The following ITGA1 variants were observed in gnomAD, a reference collection of about 807,000 sequenced individuals.
The protein encoded by ITGA1 is integrin subunit alpha 1.
In ITGA1, 85 loss-of-function variants were observed where a neutral mutation model predicts 145.9. The ratio of observed to expected loss-of-function variants is 0.58; its 90% CI spans 0.49 to 0.70. The LOEUF (loss-of-function observed/expected upper bound fraction) is 0.70. ITGA1 is among the 30% of genes least tolerant of loss of function. ITGA1 has a pLI of 0.00. For synonymous variants in ITGA1, 520 were observed against 495.3 expected (o/e 1.05, Z -0.66); for missense variants, 1,351 against 1,418.7 (o/e 0.95, Z 0.77).
At chr5:52,904,843 A>G (rs537498502) in intron 11 of ITGA1, 68 of 141,760 alleles carry the variant, frequency 4.8e-4, no homozygotes, top group African/African-American at 1.6e-3. Flanking sequence ...ACAGAGCAAG[A>G]CTCCATCTCA....
rs865980299 is a variant in ITGA1, at chr5:52,955,020, A to C, written c.*2569A>C. On this transcript the variant is annotated 3_prime_UTR_variant, in exon 29 of 29. Coordinates refer to ENST00000282588, the MANE Select transcript of ITGA1 (RefSeq NM_181501.2). ...AAACTTATTGGCCAAATTGCCAAAAAGTTTCTTTTTCTCTAACTTTGGTAT... is the reference window on the plus strand; with the variant it reads ...AAACTTATTGGCCAAATTGCCAAAACGTTTCTTTTTCTCTAACTTTGGTAT... The C allele has an allele frequency of 6.6e-6, 1 of 152,222 alleles. No individual in the cohort carries two copies. The highest frequency in any genetic ancestry group is 6.5e-5 in the Admixed American group (1 of 15,278). 9.4% of individuals were successfully genotyped at this position (152,222 alleles called of 1,614,324 possible).
chr5:52,862,241 G>GA (rs1483079020), intron 3 of ITGA1, among the ~76,000 whole-genome samples: 3 of 145,212 alleles, frequency 2.1e-5, no homozygotes, highest in Admixed American at 6.8e-5. Context: ...AAAAAGAAAA[G>GA]AAAAAAAACA....
intron 11 of ITGA1, among the ~76,000 whole-genome samples, chr5:52,900,645 G>A (rs2111833857): frequency 6.6e-6 from 1 of 152,274 alleles, no homozygotes; most frequent in East Asian, 1.9e-4. Flanking sequence ...AAGCAGTTAT[G>A]GTACAAGGTG....
At chr5:52,947,638 C>G (rs1307573201) in intron 28 of ITGA1, among the ~76,000 whole-genome samples, 177 bp downstream of exon 28, 1 of 152,092 alleles carries the variant, frequency 6.6e-6, no homozygotes, top group East Asian at 1.9e-4. Context: ...CTGCACACAA[C>G]TTGACCCAAT....
intron 1 of ITGA1, among the ~76,000 whole-genome samples, chr5:52,814,687 A>G (rs1580042613): frequency 6.6e-6 from 1 of 152,216 alleles, no homozygotes; most frequent in Middle Eastern, 3.4e-3. Flanking sequence ...TATCTGCCCA[A>G]CAATCAGAGA....
At chr5:52,832,853 T>C (rs1263457285) in intron 1 of ITGA1, among the ~76,000 whole-genome samples, 1 of 148,258 alleles carries the variant, frequency 6.7e-6, no homozygotes, top group Non-Finnish European at 1.5e-5. Flanking sequence ...TTTTGGTAGA[T>C]TTTTTTTGGT....
At chr5:52,926,674 C>A (rs979123927) in intron 19 of ITGA1, among the ~76,000 whole-genome samples, 3 of 151,524 alleles carry the variant, frequency 2.0e-5, no homozygotes, top group Non-Finnish European at 2.9e-5. Flanking sequence ...AAAATATTAC[C>A]ACAGAATTTT....
intron 26 of ITGA1, among the ~76,000 whole-genome samples, chr5:52,940,974 C>A (rs984278673): frequency 1.3e-5 from 2 of 152,102 alleles, no homozygotes; most frequent in African/African-American, 2.4e-5. Flanking sequence ...CTGTTCCCAT[C>A]TTTATATCCA....
chr5:52,905,906 C>G lies in ITGA1; in HGVS notation c.1453C>G (p.Gln485Glu), dbSNP rs1338928759. ...IKILQTLSGE[Q>E]IGSYFGSILT... ...AATTCTCCAGACGCTCAGTGGAGAA[C>G]AGGTAAACTTGAAAAATATTCTTTT... The change falls in exon 12 of 29, where the codon CAG (glutamine) becomes GAG (glutamate). Residue 485 changes from glutamine to glutamate, a missense_variant and splice_region_variant. Transcript: ENST00000282588. 6.2e-7 allele frequency: 1 copy of G among 1,608,918 alleles called. No homozygotes were observed. The highest frequency in any genetic ancestry group is 8.5e-7 in the Non-Finnish European group (1 of 1,176,986).
At chr5:52,864,517 C>T (rs142423520) in intron 3 of ITGA1, among the ~76,000 whole-genome samples, 2 of 152,270 alleles carry the variant, frequency 1.3e-5, no homozygotes, top group Non-Finnish European at 2.9e-5. Flanking sequence ...TCTCATTGCC[C>T]TGCTAGTTCT....
intron 3 of ITGA1, among the ~76,000 whole-genome samples, chr5:52,863,215 C>G (rs906682899): frequency 5.3e-5 from 8 of 152,228 alleles, no homozygotes; most frequent in African/African-American, 1.9e-4. Flanking sequence ...GTTAAAATCT[C>G]TATTCAGGTT....
intron 6 of ITGA1, among the ~76,000 whole-genome samples, chr5:52,875,215 A>C (rs1179721933): frequency 6.6e-6 from 1 of 152,120 alleles, no homozygotes; most frequent in Non-Finnish European, 1.5e-5. Context: ...ATTGTTTTCC[A>C]AGATTATTTG....
At chr5:52,820,816 T>A (rs1223002177) in intron 1 of ITGA1, among the ~76,000 whole-genome samples, 4 of 152,204 alleles carry the variant, frequency 2.6e-5, no homozygotes, top group South Asian at 2.1e-4. Context: ...AGTTTTTTTT[T>A]ATTGGCTTTA....
chr5:52,808,776 A>T (rs1748639117), intron 1 of ITGA1, among the ~76,000 whole-genome samples: 1 of 149,202 alleles, frequency 6.7e-6, no homozygotes. Context: ...AAGAGGTTAA[A>T]GCTGTAAGGA....
In ITGA1 at chr5:52,882,040, A is replaced by G; in HGVS notation, c.773+19A>G. ...CAGCAAGGTATATGGATAAAAAAAT[A>G]AACTAAAGTAAAAGACTGCAAAAAT... On this transcript the variant is annotated intron_variant, in intron 7 of 28. Transcript: ENST00000282588. 6.5e-7 allele frequency: 1 copy of G among 1,536,106 alleles called. No homozygotes were observed. Among genetic ancestry groups the G allele is most frequent in the Non-Finnish European group, 8.8e-7 (1 of 1,138,702 alleles).
At chr5:52,907,001 T>C (rs1561244184) in intron 12 of ITGA1, among the ~76,000 whole-genome samples, 1 of 152,246 alleles carries the variant, frequency 6.6e-6, no homozygotes, top group East Asian at 1.9e-4. Context: ...AACTGCACTC[T>C]GGGAAGTCAA....
At chr5:52,947,887 GC>G (rs1433244753) in intron 28 of ITGA1, among the ~76,000 whole-genome samples, 5 of 152,076 alleles carry the variant, frequency 3.3e-5, no homozygotes, top group Non-Finnish European at 4.4e-5. Context: ...GTTAAAATAA[GC>G]CTTGTTTTAA....
intron 1 of ITGA1, among the ~76,000 whole-genome samples, chr5:52,820,842 G>T (rs1748868160): frequency 6.6e-6 from 1 of 152,056 alleles, no homozygotes; most frequent in African/African-American, 2.4e-5. Flanking sequence ...AGCATATGCT[G>T]GGAGGATATT....
At chr5:52,803,787 A>C (rs573401898) in intron 1 of ITGA1, 1 of 152,196 alleles carries the variant, frequency 6.6e-6, no homozygotes, top group Non-Finnish European at 1.5e-5. Context: ...TTGTAGACCT[A>C]CTGAGACAGG....
Sources: gnomAD v4.1 joint callset for allele counts (sites outside exome capture counted in the v4.1 genomes callset) on GRCh38, gnomAD v4.1.1 for gene constraint, MANE v1.5 for transcripts, NCBI Gene and HGNC (gene_info 2026-07-23, HGNC 2026-07-21) for gene names.